Variants in CCDC60 observed in about 807,000 individuals in gnomAD.
CCDC60 encodes the protein coiled-coil domain-containing protein 60.
In CCDC60, 54 loss-of-function variants were observed where a neutral mutation model predicts 63.5. The ratio of observed to expected loss-of-function variants is 0.85; its 90% CI spans 0.68 to 1.07. CCDC60 has a LOEUF of 1.07. Ranked by LOEUF, CCDC60 falls within the 50% of genes least tolerant of loss-of-function variation. The probability of loss-of-function intolerance (pLI) is 0.00; values close to 1 mark genes in which losing one functional copy is unlikely to be tolerated. For synonymous variants in CCDC60, 206 were observed against 238.8 expected (o/e 0.86, Z 1.27); for missense variants, 651 against 684.3 (o/e 0.95, Z 0.54).
intron 5 of CCDC60, among the ~76,000 whole-genome samples, chr12:119,496,954 G>C (rs1345592703): frequency 5.3e-5 from 8 of 152,108 alleles, no homozygotes; most frequent in Non-Finnish European, 1.2e-4. Context: ...CCAAATCTCA[G>C]CAGTTTAAGG....
At chr12:119,373,024 A>G (rs1294862911) in intron 1 of CCDC60, among the ~76,000 whole-genome samples, 1 of 152,220 alleles carries the variant, frequency 6.6e-6, no homozygotes, top group African/African-American at 2.4e-5. Context: ...TGAGTACCAC[A>G]ATAGATTATG....
chr12:119,507,432 A>G (rs1378405873), intron 7 of CCDC60, among the ~76,000 whole-genome samples: 2 of 148,062 alleles, frequency 1.4e-5, no homozygotes, highest in East Asian at 2.0e-4. Context: ...ATATACGTGT[A>G]TATATATACA....
At chr12:119,529,669 A>G (rs1437314520) in intron 12 of CCDC60, among the ~76,000 whole-genome samples, 1 of 152,142 alleles carries the variant, frequency 6.6e-6, no homozygotes, top group African/African-American at 2.4e-5. Context: ...TCACTTTCTC[A>G]CAAGCAATGT....
chr12:119,394,303 C>T (rs1956211947), intron 1 of CCDC60, among the ~76,000 whole-genome samples: 1 of 152,186 alleles, frequency 6.6e-6, no homozygotes, highest in South Asian at 2.1e-4. Context: ...TACTAAAATC[C>T]GCATTATTGT....
chr12:119,516,179 C>T (rs1254518005), intron 7 of CCDC60, among the ~76,000 whole-genome samples: 1 of 152,146 alleles, frequency 6.6e-6, no homozygotes, highest in Non-Finnish European at 1.5e-5. Flanking sequence ...GATCTCGGCT[C>T]GCTGCAACCT....
intron 2 of CCDC60, among the ~76,000 whole-genome samples, chr12:119,470,229 C>T (rs962452780): frequency 6.6e-6 from 1 of 152,224 alleles, no homozygotes; most frequent in Non-Finnish European, 1.5e-5. Flanking sequence ...TCCAGAAAGC[C>T]TTCCAAGATT....
At chr12:119,413,051 C>T (rs1387144451) in intron 1 of CCDC60, among the ~76,000 whole-genome samples, 1 of 152,150 alleles carries the variant, frequency 6.6e-6, no homozygotes, top group Non-Finnish European at 1.5e-5. Flanking sequence ...TTTCCTGAAG[C>T]TCCTCCAGGA....
At chr12:119,378,096 C>T (rs1261428349) in intron 1 of CCDC60, among the ~76,000 whole-genome samples, 1 of 152,212 alleles carries the variant, frequency 6.6e-6, no homozygotes, top group African/African-American at 2.4e-5. Flanking sequence ...CCCGAGAGAT[C>T]AGTCGGACCA....
intron 1 of CCDC60, among the ~76,000 whole-genome samples, chr12:119,341,133 T>C (rs1489072297): frequency 6.6e-6 from 1 of 152,252 alleles, no homozygotes; most frequent in Non-Finnish European, 1.5e-5. Context: ...TATGGCCTAA[T>C]GCTTTGGACA....
At chr12:119,518,671 G>A (rs1264047347) in intron 8 of CCDC60, among the ~76,000 whole-genome samples, 1 of 152,158 alleles carries the variant, frequency 6.6e-6, no homozygotes, top group African/African-American at 2.4e-5. Flanking sequence ...ATATTAGCAT[G>A]TGCCTGGCAT....
chr12:119,386,135 T>C (rs1956058295), intron 1 of CCDC60, among the ~76,000 whole-genome samples: 1 of 152,216 alleles, frequency 6.6e-6, no homozygotes, highest in Non-Finnish European at 1.5e-5. Flanking sequence ...TGGTTTTTTG[T>C]TGTTTTGTTA....
intron 1 of CCDC60, among the ~76,000 whole-genome samples, chr12:119,352,097 C>A (rs1253769694): frequency 6.6e-6 from 1 of 152,190 alleles, no homozygotes; most frequent in Admixed American, 6.5e-5. Context: ...AAAGGGGAAG[C>A]AAGCACATCT....
At chr12:119,377,325 G>T (rs1955963970) in intron 1 of CCDC60, among the ~76,000 whole-genome samples, 2 of 150,730 alleles carry the variant, frequency 1.3e-5, no homozygotes, top group Admixed American at 1.3e-4. Context: ...TCAAGAGACG[G>T]AGAAGTAAAA....
At chr12:119,433,149 T>TCC (rs970924056) in intron 2 of CCDC60, among the ~76,000 whole-genome samples, 2 of 56,082 alleles carry the variant, frequency 3.6e-5, no homozygotes, top group Non-Finnish European at 6.9e-5. Context: ...AGGGCTCAGT[T>TCC]CCCCCGACAG....
intron 1 of CCDC60, among the ~76,000 whole-genome samples, chr12:119,336,060 C>T (rs1265158015): frequency 3.2e-5 from 4 of 126,414 alleles, no homozygotes; most frequent in Non-Finnish European, 6.2e-5. Flanking sequence ...CACATGGACA[C>T]AGGAAGGGGA....
At chr12:119,503,607 A>G (rs929805039) in intron 6 of CCDC60, among the ~76,000 whole-genome samples, 26 of 152,150 alleles carry the variant, frequency 1.7e-4, no homozygotes, top group Non-Finnish European at 3.2e-4. Flanking sequence ...GCACAGGGAG[A>G]GATCATATGT....
chr12:119,383,729 A>G (rs1425167469), intron 1 of CCDC60, among the ~76,000 whole-genome samples: 1 of 152,202 alleles, frequency 6.6e-6, no homozygotes, highest in East Asian at 1.9e-4. Context: ...ACTTGAGCTG[A>G]ATGAACCTGT....
chr12:119,478,429 A>G (rs1951227700), intron 3 of CCDC60, among the ~76,000 whole-genome samples: 1 of 152,114 alleles, frequency 6.6e-6, no homozygotes, highest in Non-Finnish European at 1.5e-5. Context: ...GTGAAAGAAA[A>G]AACACCTAAA....
At chr12:119,434,934 G>C (rs1477515800) in intron 2 of CCDC60, among the ~76,000 whole-genome samples, 1 of 152,228 alleles carries the variant, frequency 6.6e-6, no homozygotes, top group African/African-American at 2.4e-5. Context: ...GCAAGAGATG[G>C]ATATAATCTG....
Sources: allele counts gnomAD v4.1 joint callset (sites outside exome capture counted in the v4.1 genomes callset), GRCh38; gene constraint gnomAD v4.1.1; transcripts MANE v1.5; gene names NCBI Gene and HGNC (gene_info 2026-07-23, HGNC 2026-07-21).